The following OTX1 variants were observed in gnomAD, a reference collection of about 807,000 sequenced individuals.
The protein encoded by OTX1 is homeobox protein OTX1.
Under a neutral mutation model 26.7 loss-of-function variants are expected in OTX1, and 7 were observed. That is an observed-to-expected ratio of 0.26 (90% CI 0.15 to 0.49). The LOEUF is 0.49. Ranked by LOEUF, OTX1 falls within the 20% of genes least tolerant of loss-of-function variation. The pLI is 0.98. For missense variants in OTX1, 414 were observed against 483.8 expected (o/e 0.86, Z 1.35); for synonymous variants, 216 against 212.8 (o/e 1.01, Z -0.13).
rs1054058455 is a variant in OTX1 at position 63,052,994 on chromosome 2, A to G, written c.4A>G (p.Met2Val). 2 of 1,609,948 alleles carry G rather than the reference A, an allele frequency of 1.2e-6. No individual in the cohort carries two copies. Among genetic ancestry groups the G allele is most frequent in the East Asian group, 2.3e-5 (1 of 44,406 alleles). The change falls in exon 3 of 5, where the codon ATG becomes GTG. Residue 2 changes from methionine to valine, a missense_variant. Physicochemically the swap from Met to Val is conservative, Grantham distance 21 (BLOSUM62 1). Transcript: ENST00000282549. M[M>V]SYLKQPPYGM... is the part of the protein sequence containing the mutation. ...GCGCCTCCACCCAGCTGTTAGCATG[A>G]TGTCTTACCTCAAACAACCCCCATA...
chr2:63,056,145 C>A lies in OTX1; in HGVS notation c.894C>A (p.His298Gln). Residue 298 changes from histidine to glutamine, a missense_variant, in exon 5 of 5, where the codon CAC (histidine) becomes CAA (glutamine). Coordinates refer to ENST00000282549, the MANE Select transcript of OTX1 (RefSeq NM_014562.4). ...CAGGCCACCACCACCACCATCACCACCACCACCACCAAGGCTACGGTGGCT... is the reference window on the plus strand; with the variant it reads ...CAGGCCACCACCACCACCATCACCAACACCACCACCAAGGCTACGGTGGCT... ...QSSGHHHHHH[H>Q]HHHQGYGGSG... The A allele has an allele frequency of 6.2e-7, 1 of 1,614,068 alleles. No homozygotes were observed. The highest frequency in any genetic ancestry group is 8.5e-7 in the Non-Finnish European group (1 of 1,180,024).
In OTX1 at chr2:63,056,466, GCCC is replaced by G. The variant is rs2062068984; in HGVS notation, c.*153_*155del. 1 of 731,866 alleles carries G rather than the reference GCCC, an allele frequency of 1.4e-6. No homozygotes were observed. The highest frequency in any genetic ancestry group is 1.8e-5 in the African/African-American group (1 of 56,146). 45.3% of individuals were successfully genotyped at this position (731,866 alleles called of 1,614,324 possible). A position where few individuals can be genotyped will look rare whatever the true frequency, so the allele number is the denominator to read the frequency against. ...AAAGATGTCCATTGCCTGCACTGCCGCCCCCATTTTTGTGCCACTTGCTTGGGG... is the reference window on the plus strand; with the variant it reads ...AAAGATGTCCATTGCCTGCACTGCCGCCATTTTTGTGCCACTTGCTTGGGG... On this transcript the variant is annotated 3_prime_UTR_variant, in exon 5 of 5. Coordinates refer to ENST00000282549, the MANE Select transcript of OTX1 (RefSeq NM_014562.4).
At chr2:63,054,303 G>A (rs1367581711) in intron 4 of OTX1, 105 bp downstream of exon 4, 1 of 1,199,546 alleles carries the variant, frequency 8.3e-7, no homozygotes, top group Non-Finnish European at 1.1e-6. Context: ...TCCTGTGGGG[G>A]TGGGCTTACA....
Position 63,055,549 on chromosome 2 carries a change from G to T in OTX1, c.298G>T (p.Gly100Trp). The change falls in exon 5 of 5, where the codon GGG (glycine) becomes TGG (tryptophan). Residue 100 changes from glycine (G) to tryptophan (W), a missense_variant. Physicochemically the swap from Gly to Trp is radical, Grantham distance 184 (BLOSUM62 -2). This residue lies in a region of OTX1 where 320 missense variants were observed against 347.9 expected (regional missense o/e 0.92). Coordinates refer to ENST00000282549, the MANE Select transcript of OTX1 (RefSeq NM_014562.4). This position sits in a 1 kb window ranked among gnomAD's most constrained non-coding sequence, Gnocchi z 5.2. ...RAKCRQQQQSGSGTKSRPAKK... is the reference protein window; with the variant it reads ...RAKCRQQQQSWSGTKSRPAKK... ...CAAATGCCGCCAGCAGCAGCAGAGCGGGAGCGGAACCAAGAGCCGCCCAGC... is the reference window on the plus strand; with the variant it reads ...CAAATGCCGCCAGCAGCAGCAGAGCTGGAGCGGAACCAAGAGCCGCCCAGC... 6.2e-7 allele frequency: 1 copy of T among 1,614,128 alleles called. No homozygotes were observed. Among genetic ancestry groups the T allele is most frequent in the Non-Finnish European group, 8.5e-7 (1 of 1,180,018 alleles).
Position 63,056,507 on chromosome 2 carries a change from C to A in OTX1, c.*191C>A. ...CACTTGCTTGGGGGGATGTGCAAAC[C>A]CACCCTGCCCCTTGGATGGGGGGAC... On this transcript the variant is annotated 3_prime_UTR_variant, in exon 5 of 5. Coordinates refer to ENST00000282549, the MANE Select transcript of OTX1 (RefSeq NM_014562.4). 1 of 614,030 alleles carries A rather than the reference C, an allele frequency of 1.6e-6. No homozygotes were observed. The highest frequency in any genetic ancestry group is 2.9e-6 in the Non-Finnish European group (1 of 349,980). The allele number at this position is 614,030 out of a possible 1,614,324, so 38.0% of individuals were successfully genotyped here. A position where few individuals can be genotyped will look rare whatever the true frequency, so the allele number is the denominator to read the frequency against.
rs1423948944 is a variant in OTX1, at chr2:63,055,325, G to A, written c.250-176G>A. Among the ~76,000 whole-genome samples the A allele has an allele frequency of 6.6e-6, 1 of 152,194 alleles. No individual in the cohort carries two copies. Among genetic ancestry groups the A allele is most frequent in the Non-Finnish European group, 1.5e-5 (1 of 68,050 alleles). On this transcript the variant is annotated intron_variant, in intron 4 of 4. Transcript: ENST00000282549. This position sits in a 1 kb window ranked among gnomAD's most constrained non-coding sequence, Gnocchi z 5.2. The stretch of plus-strand genomic sequence containing the variant: ...AGCAGAAGGATGGGGGAGGGTGGAG[G>A]AGCTGGGAACCGAGGTAGGGGGCAG...
At chr2:63,052,843 C>A (rs1419243446) in intron 2 of OTX1, 37 bp from the exon 3 acceptor site, 2 of 582,856 alleles carry the variant, frequency 3.4e-6, no homozygotes, top group Non-Finnish European at 6.0e-6. Flanking sequence ...CCAAGTGGCT[C>A]CGATTGACGG....
chr2:63,053,909 G>A (rs1281024870), intron 3 of OTX1, 138 bp from the exon 4 acceptor site: 3 of 1,013,562 alleles, frequency 3.0e-6, no homozygotes, highest in Admixed American at 3.2e-5. Flanking sequence ...TCGGCCGCCC[G>A]AGGGAGTTTC....
chr2:63,056,162 A>G lies in OTX1; in HGVS notation c.911A>G (p.Tyr304Cys). 6.2e-7 allele frequency: 1 copy of G among 1,614,016 alleles called. No individual in the cohort carries two copies. The highest frequency in any genetic ancestry group is 8.5e-7 in the Non-Finnish European group (1 of 1,180,006). Residue 304 changes from tyrosine to cysteine, a missense_variant, in exon 5 of 5, where the codon TAC (tyrosine) becomes TGC (cysteine). Tyr to Cys is a radical substitution (Grantham distance 194, BLOSUM62 -2). Around this residue, in one of 3 missense-constraint regions of OTX1, gnomAD observed 320 missense variants for 347.9 expected, o/e 0.92. Transcript: ENST00000282549. ...HHHHHHHHQG[Y>C]GGSGLAFNSA... ...CATCACCACCACCACCACCAAGGCT[A>G]CGGTGGCTCTGGGCTTGCCTTCAAC... is the stretch of plus-strand genomic sequence containing the variant.
At chr2:63,053,317 G>A (rs373192489) in intron 3 of OTX1, 36 of 441,700 alleles carry the variant, frequency 8.2e-5, no homozygotes, top group African/African-American at 2.7e-4. Context: ...TTCCCGGCCG[G>A]ATCACCGGCA....
chr2:63,052,848 T>C (rs552369418), intron 2 of OTX1, 32 bp from the exon 3 acceptor site: 1 of 593,818 alleles, frequency 1.7e-6, no homozygotes, highest in East Asian at 3.1e-5. Context: ...TGGCTCCGAT[T>C]GACGGTTTCC....
In OTX1 at chr2:63,055,837, C is replaced by A. The variant is rs374452924; in HGVS notation, c.586C>A (p.Pro196Thr). The A allele has an allele frequency of 5.0e-6, 8 of 1,612,042 alleles. No individual in the cohort carries two copies. The highest frequency in any genetic ancestry group is 4.5e-5 in the East Asian group (2 of 44,870). The change falls in exon 5 of 5, where the codon CCA (proline) becomes ACA (threonine). Residue 196 changes from proline to threonine, a missense_variant. By Grantham distance (38) the Pro-to-Thr change is conservative (BLOSUM62 -1). Transcript: ENST00000282549. This position sits in a 1 kb window ranked among gnomAD's most constrained non-coding sequence, Gnocchi z 5.2. Reference sequence around the variant, plus strand: ...GCCCGCGTCCGTGTCGGTGCCGGAGCCATTGGCCGCGCCTAGCAACACCTC... The same window carrying A: ...GCCCGCGTCCGTGTCGGTGCCGGAGACATTGGCCGCGCCTAGCAACACCTC... ...SAPASVSVPE[P>T]LAAPSNTSCM...
upstream of OTX1, chr2:63,050,050 G>A (rs979099095): frequency 2.0e-5 from 3 of 152,440 alleles, no homozygotes; most frequent in African/African-American, 7.2e-5. Flanking sequence ...TACGTGTGAG[G>A]GGAAGAGGAC....
chr2:63,054,485 G>C (rs2062049482), intron 4 of OTX1, among the ~76,000 whole-genome samples: 1 of 152,272 alleles, frequency 6.6e-6, no homozygotes. Context: ...GGAAGCTCCC[G>C]AATGTAAAGC....
At position 63,055,518 on chromosome 2, in the gene OTX1, C is replaced by T. The variant is rs376046840; in HGVS notation, c.267C>T (p.Arg89=). Reference sequence around the variant, plus strand: ...CACTGCAGGTCTGGTTCAAGAACCGCCGCGCCAAATGCCGCCAGCAGCAGC... The same window carrying T: ...CACTGCAGGTCTGGTTCAAGAACCGTCGCGCCAAATGCCGCCAGCAGCAGC... ...ESRVQVWFKN[R]RAKCRQQQQS... is the part of the protein sequence containing the mutation. The change falls in exon 5 of 5, where the codon CGC becomes CGT. Residue 89 remains arginine (R), a synonymous_variant. Coordinates refer to ENST00000282549, the MANE Select transcript of OTX1 (RefSeq NM_014562.4). This position sits in a 1 kb window ranked among gnomAD's most constrained non-coding sequence, Gnocchi z 5.2. The T allele has an allele frequency of 4.3e-6, 7 of 1,613,610 alleles. No homozygotes were observed. Among genetic ancestry groups the T allele is most frequent in the Non-Finnish European group, 5.9e-6 (7 of 1,179,796 alleles).
intron 3 of OTX1, chr2:63,053,690 C>A: frequency 4.4e-6 from 1 of 225,484 alleles, no homozygotes. Context: ...CTTCCCCACT[C>A]CCTGTCCCCC....
rs1016144921 is a variant in OTX1, at chr2:63,057,110, G to C, written c.*794G>C. On this transcript the variant is annotated 3_prime_UTR_variant, in exon 5 of 5. Coordinates refer to ENST00000282549, the MANE Select transcript of OTX1 (RefSeq NM_014562.4). The stretch of plus-strand genomic sequence containing the variant: ...ATCTTGTCTTAGCACCCAGGAAACA[G>C]AACTTTAAGATATATACAGCACATA... 2.0e-5 allele frequency: 3 copies of C among 151,724 alleles called. No homozygotes were observed. Among genetic ancestry groups the C allele is most frequent in the Non-Finnish European group, 4.4e-5 (3 of 67,982 alleles). The allele number at this position is 151,724 out of a possible 1,614,324, so 9.4% of individuals were successfully genotyped here. A position where few individuals can be genotyped will look rare whatever the true frequency, so the allele number is the denominator to read the frequency against.
In OTX1 at chr2:63,056,074, C is replaced by A. The variant is rs1247679011; in HGVS notation, c.823C>A (p.His275Asn). ...CATGGCACCCTCCTCCATGGCGGGCCACCATCATCACCACCCACATGCGCA... is the reference window on the plus strand; with the variant it reads ...CATGGCACCCTCCTCCATGGCGGGCAACCATCATCACCACCCACATGCGCA... The part of the protein sequence containing the change: ...SPMAPSSMAG[H>N]HHHHPHAHHP... Residue 275 changes from histidine (H) to asparagine (N), a missense_variant, in exon 5 of 5, where the codon CAC (histidine) becomes AAC (asparagine). His to Asn is a moderately conservative substitution (Grantham distance 68). This residue lies in a region of OTX1 where 320 missense variants were observed against 347.9 expected (regional missense o/e 0.92). Coordinates refer to ENST00000282549, the MANE Select transcript of OTX1 (RefSeq NM_014562.4). The A allele has an allele frequency of 5.6e-6, 9 of 1,613,296 alleles. No homozygotes were observed. The highest frequency in any genetic ancestry group is 7.6e-6 in the Non-Finnish European group (9 of 1,179,440).
chr2:63,050,481 C>T (rs2062017061), upstream of OTX1, among the ~76,000 whole-genome samples: 1 of 152,190 alleles, frequency 6.6e-6, no homozygotes, highest in Non-Finnish European at 1.5e-5. Context: ...CCACTCCCTC[C>T]GGAGCGCCGA....
Sources: gnomAD v4.1 joint callset for allele counts (sites outside exome capture counted in the v4.1 genomes callset) on GRCh38, gnomAD v4.1.1 for gene constraint, gnomAD v4.1.1 regional missense constraint, Gnocchi (gnomAD v3.1) non-coding constraint, MANE v1.5 for transcripts, NCBI Gene and HGNC (gene_info 2026-07-23, HGNC 2026-07-21) for gene names.